The following FAM174B variants were observed in gnomAD, a reference collection of about 807,000 sequenced individuals.
The protein encoded by FAM174B is family with sequence similarity 174 member B.
A neutral mutation model predicts 10.9 loss-of-function variants in FAM174B; 12 were observed. That is an observed-to-expected ratio of 1.10 (90% CI 0.71 to 1.79). The LOEUF is 1.79. Ranked by LOEUF, FAM174B falls within the 40% of genes most tolerant of loss-of-function variation. The probability of loss-of-function intolerance (pLI) is 0.00; values close to 1 mark genes in which losing one functional copy is unlikely to be tolerated. For missense variants in FAM174B, 266 were observed against 233.3 expected, an observed-to-expected ratio of 1.14 and a Z score of -0.91; for synonymous variants, 132 against 115.8, an observed-to-expected ratio of 1.14 and a Z score of -0.90.
chr15:92,636,677 A>G (rs2050858154), intron 1 of FAM174B, among the ~76,000 whole-genome samples: 1 of 152,146 alleles, frequency 6.6e-6, no homozygotes, highest in Admixed American at 6.5e-5. Context: ...CGGGAAAATC[A>G]CAGGGCATAG....
In FAM174B at chr15:92,655,633, CG is replaced by C. The variant is rs1287958080; in HGVS notation, c.26del (p.Pro9ArgfsTer70). 1 of 1,257,862 alleles carries C rather than the reference CG, an allele frequency of 8.0e-7. No individual in the cohort carries two copies. The highest frequency in any genetic ancestry group is 9.9e-7 in the Non-Finnish European group (1 of 1,006,356). The allele number at this position is 1,257,862 out of a possible 1,614,324, so 77.9% of individuals were successfully genotyped here. On this transcript the variant is annotated frameshift_variant, in exon 1 of 3. Coordinates refer to ENST00000327355, the MANE Select transcript of FAM174B (RefSeq NM_207446.3). LOFTEE classifies it high-confidence loss of function. MRAVPLPAPLLPLLLLALL... is the reference protein window; with the variant it reads MRAVPLPAXLLPLLLLALL... The stretch of plus-strand genomic sequence containing the variant: ...GCGCGAGCAGCAGCAGCGGCAGGAG[CG>C]GGGCGGGCAGCGGCACGGCGCGCAT...
rs1397551578 is a variant in FAM174B at position 92,618,048 on chromosome 15, A to C, written c.*1408T>G. On this transcript the variant is annotated 3_prime_UTR_variant, in exon 3 of 3. Transcript: ENST00000327355. ...TCTTCTCAGAAAACTGAAGAACCGAAGATGGAGGTGAGTCAGGAAAGGCTG... is the reference window on the plus strand; with the variant it reads ...TCTTCTCAGAAAACTGAAGAACCGACGATGGAGGTGAGTCAGGAAAGGCTG... 3.9e-6 allele frequency: 1 copy of C among 256,656 alleles called. No homozygotes were observed. Among genetic ancestry groups the C allele is most frequent in the Non-Finnish European group, 7.3e-6 (1 of 136,400 alleles). The allele number at this position is 256,656 out of a possible 1,614,324, so 15.9% of individuals were successfully genotyped here. A position where few individuals can be genotyped will look rare whatever the true frequency, so the allele number is the denominator to read the frequency against.
chr15:92,632,402 G>T (rs1008139885), intron 1 of FAM174B, among the ~76,000 whole-genome samples: 4 of 152,190 alleles, frequency 2.6e-5, no homozygotes, highest in African/African-American at 7.2e-5. Context: ...AATTAGCTGG[G>T]CATGGTGGCA....
At chr15:92,655,228 G>T (rs1256889094) in intron 1 of FAM174B, 88 bp downstream of exon 1, 2 of 1,443,794 alleles carry the variant, frequency 1.4e-6, no homozygotes, top group African/African-American at 1.5e-5. Context: ...GCACCTGTGC[G>T]TGCAGGTGGG....
intron 1 of FAM174B, among the ~76,000 whole-genome samples, chr15:92,652,620 G>C (rs908591549): frequency 6.6e-6 from 1 of 152,116 alleles, no homozygotes; most frequent in African/African-American, 2.4e-5. Context: ...GACTGGAGAG[G>C]GACAAGGTTG....
At position 92,630,427 on chromosome 15, in the gene FAM174B, G is replaced by A. The variant is rs540025075; in HGVS notation, c.345-82C>T. ...GCCCCAAGCCCCAGAGGACCCGACA[G>A]CAACTTAGCAGCTGGTGTTTAGTCA... On this transcript the variant is annotated intron_variant, in intron 1 of 2. Coordinates refer to ENST00000327355, the MANE Select transcript of FAM174B (RefSeq NM_207446.3). 1.2e-5 allele frequency: 16 copies of A among 1,320,518 alleles called. No homozygotes were observed. The African/African-American group carries it at 1.5e-4, about 12-fold the overall frequency. 81.8% of individuals were successfully genotyped at this position (1,320,518 alleles called of 1,614,324 possible).
chr15:92,650,905 C>T (rs1275791414), intron 1 of FAM174B, among the ~76,000 whole-genome samples: 2 of 152,222 alleles, frequency 1.3e-5, no homozygotes, highest in African/African-American at 2.4e-5. Context: ...AGGTACCCAA[C>T]AAAGGGCCCT....
At chr15:92,621,631 A>G (rs1596293071) in intron 2 of FAM174B, among the ~76,000 whole-genome samples, 1 of 151,624 alleles carries the variant, frequency 6.6e-6, no homozygotes, top group East Asian at 1.9e-4. Context: ...AAAATTGAGT[A>G]TCTTCATATT....
intron 1 of FAM174B, 142 bp from the exon 2 acceptor site, chr15:92,630,487 G>A (rs764232944): frequency 1.8e-5 from 14 of 783,908 alleles, no homozygotes; most frequent in Middle Eastern, 3.6e-4. Flanking sequence ...GTGAGGATCT[G>A]ATGGAAGGCA....
chr15:92,638,858 G>A (rs1433738907), intron 1 of FAM174B, among the ~76,000 whole-genome samples: 7 of 152,146 alleles, frequency 4.6e-5, no homozygotes, highest in Non-Finnish European at 7.3e-5. Context: ...TCCCTGCCAC[G>A]GGGCACTGTC....
At chr15:92,632,568 G>A (rs1201333960) in intron 1 of FAM174B, among the ~76,000 whole-genome samples, 1 of 152,162 alleles carries the variant, frequency 6.6e-6, no homozygotes, top group African/African-American at 2.4e-5. Context: ...GGAGTGCAGT[G>A]GTGCAATCAT....
At chr15:92,648,137 T>C (rs968087730) in intron 1 of FAM174B, among the ~76,000 whole-genome samples, 3 of 152,226 alleles carry the variant, frequency 2.0e-5, no homozygotes, top group Non-Finnish European at 4.4e-5. Flanking sequence ...TATTGATTCA[T>C]GTCTTTGCCT....
In FAM174B at chr15:92,617,516, CT is replaced by C. The variant is rs1355674841; in HGVS notation, c.*1939del. On this transcript the variant is annotated 3_prime_UTR_variant, in exon 3 of 3. Coordinates refer to ENST00000327355, the MANE Select transcript of FAM174B (RefSeq NM_207446.3). ...GTGCCACCAAGGATTTGGAAGGTCA[CT>C]TTCAGCAGCCGCCATTTCTGCCAGG... 2.0e-5 allele frequency: 10 copies of C among 504,804 alleles called. No homozygotes were observed. The highest frequency in any genetic ancestry group is 3.1e-5 in the Non-Finnish European group (9 of 288,720). 31.3% of individuals were successfully genotyped at this position (504,804 alleles called of 1,614,324 possible). A position where few individuals can be genotyped will look rare whatever the true frequency, so the allele number is the denominator to read the frequency against.
At chr15:92,628,676 T>A (rs1335051753) in intron 2 of FAM174B, among the ~76,000 whole-genome samples, 1 of 152,194 alleles carries the variant, frequency 6.6e-6, no homozygotes, top group Non-Finnish European at 1.5e-5. Flanking sequence ...CCATAACCAA[T>A]CCGTTTTAAT....
intron 2 of FAM174B, among the ~76,000 whole-genome samples, chr15:92,623,566 C>T (rs559119891): frequency 3.3e-4 from 50 of 152,300 alleles, no homozygotes; most frequent in Admixed American, 1.3e-3. Flanking sequence ...TTGCTTCTGG[C>T]CCATGTTTTA....
In FAM174B at chr15:92,655,406, A is replaced by C; in HGVS notation, c.254T>G (p.Leu85Arg). ...DALVTRISIL[L>R]RDLPTLKAAV... ...TGCCTTGAGGGTGGGTAGGTCGCGG[A>C]GGAGGATGGAAATGCGGGTCACCAA... The change falls in exon 1 of 3, where the codon CTC (leucine) becomes CGC (arginine). Residue 85 changes from leucine to arginine, a missense_variant. Physicochemically the swap from Leu to Arg is moderately radical, Grantham distance 102 (BLOSUM62 -2). Transcript: ENST00000327355. 1 of 1,600,830 alleles carries C rather than the reference A, an allele frequency of 6.2e-7. No individual in the cohort carries two copies. The highest frequency in any genetic ancestry group is 8.5e-7 in the Non-Finnish European group (1 of 1,174,798).
chr15:92,619,678 C>A, intron 2 of FAM174B: 1 of 601,802 alleles, frequency 1.7e-6, no homozygotes, highest in Non-Finnish European at 3.0e-6. Flanking sequence ...CCTCCCCCAG[C>A]TCCCCACACA....
In FAM174B at chr15:92,617,910, G is replaced by A. The variant is rs1274587145; in HGVS notation, c.*1546C>T. ...ATACCATGCGTGCTGGGCCGGCTGC[G>A]CCACCCTCACCCAGGGCTTCCCACG... On this transcript the variant is annotated 3_prime_UTR_variant, in exon 3 of 3. Transcript: ENST00000327355. 12 of 411,024 alleles carry A rather than the reference G, an allele frequency of 2.9e-5. No individual in the cohort carries two copies. Among genetic ancestry groups the A allele is most frequent in the African/African-American group, 1.4e-4 (7 of 48,542 alleles). 25.5% of individuals were successfully genotyped at this position (411,024 alleles called of 1,614,324 possible).
chr15:92,630,801 TTA>T (rs2050789725), intron 1 of FAM174B, among the ~76,000 whole-genome samples: 3 of 65,614 alleles, frequency 4.6e-5, no homozygotes, highest in East Asian at 6.6e-4. Flanking sequence ...ATATTACATA[TTA>T]TATATATTTT....
Sources: allele counts gnomAD v4.1 joint callset (sites outside exome capture counted in the v4.1 genomes callset), GRCh38; gene constraint gnomAD v4.1.1; transcripts MANE v1.5; gene names NCBI Gene and HGNC (gene_info 2026-07-23, HGNC 2026-07-21).